CLPX: variants seen among roughly 807,000 people sequenced by gnomAD.
CLPX encodes the protein ATP-dependent clpX-like chaperone, mitochondrial.
Under a neutral mutation model 76.4 loss-of-function variants are expected in CLPX, and 34 were observed. The ratio of observed to expected loss-of-function variants is 0.45; its 90% CI spans 0.34 to 0.59. The LOEUF is 0.59. Among genes scored for constraint, CLPX ranks in the 20% least tolerant of loss-of-function variants. CLPX has a pLI of 0.01. For synonymous variants in CLPX, 248 were observed against 270.9 expected (o/e 0.92, Z 0.83); for missense variants, 613 against 757.0 (o/e 0.81, Z 2.23).
Position 65,150,338 on chromosome 15 carries a change from C to G in CLPX, c.*485G>C, listed in dbSNP as rs111514945. 1 of 152,222 alleles carries G rather than the reference C, an allele frequency of 6.6e-6. No individual in the cohort carries two copies. The highest frequency in any genetic ancestry group is 2.1e-4 in the South Asian group (1 of 4,820). The allele number at this position is 152,222 out of a possible 1,614,324, so 9.4% of individuals were successfully genotyped here. On this transcript the variant is annotated 3_prime_UTR_variant, in exon 14 of 14. Coordinates refer to ENST00000300107, the MANE Select transcript of CLPX (RefSeq NM_006660.5). ...CCTCCCAAAGTGCTGGGATTACAGG[C>G]GTGAGCCACCACGCCCGGCCTACCT...
intron 3 of CLPX, among the ~76,000 whole-genome samples, chr15:65,173,974 T>C (rs766090763): frequency 2.6e-5 from 4 of 152,134 alleles, no homozygotes; most frequent in Non-Finnish European, 5.9e-5. Flanking sequence ...TTGGTAAATA[T>C]CTTTTTTTTC....
At chr15:65,169,024 C>CTTTT (rs779469503) in intron 3 of CLPX, among the ~76,000 whole-genome samples, 1 of 135,468 alleles carries the variant, frequency 7.4e-6, no homozygotes, top group Non-Finnish European at 1.6e-5. Flanking sequence ...CGCCTGCCTA[C>CTTTT]TTTTTTTTTT....
intron 6 of CLPX, among the ~76,000 whole-genome samples, chr15:65,159,806 C>T (rs923170762): frequency 1.3e-5 from 2 of 149,824 alleles, no homozygotes; most frequent in Non-Finnish European, 1.5e-5. Flanking sequence ...TTTACATTTT[C>T]TTTTCTTTTT....
chr15:65,150,972 T>C, intron 13 of CLPX, 59 bp from the exon 14 acceptor site: 1 of 1,234,640 alleles, frequency 8.1e-7, no homozygotes, highest in Non-Finnish European at 1.2e-6. Flanking sequence ...AACATGATCT[T>C]TAAAATCAAA....
rs1237181516 is a variant in CLPX at position 65,158,731 on chromosome 15, T to C, written c.736A>G (p.Ile246Val). The C allele has an allele frequency of 6.3e-7, 1 of 1,593,704 alleles. No individual in the cohort carries two copies. ...RFTKLLQIAG[I>V]SPHGNALGAS... ...CCTAAAGCATTACCATGTGGGCTAA[T>C]TCCAGCAATCTGAAGCAATTCTGAA... The change falls in exon 7 of 14, where the codon ATT becomes GTT. Residue 246 changes from isoleucine to valine, a missense_variant. This residue lies in a region of CLPX where 450 missense variants were observed against 638.6 expected (regional missense o/e 0.70). Transcript: ENST00000300107.
chr15:65,163,634 T>C (rs1402595661), intron 5 of CLPX, among the ~76,000 whole-genome samples: 1 of 152,114 alleles, frequency 6.6e-6, no homozygotes, highest in Non-Finnish European at 1.5e-5. Flanking sequence ...ACTACAGCCA[T>C]GTGCCACCCC....
In CLPX at chr15:65,169,201, G is replaced by A. The variant is rs367829138; in HGVS notation, c.359-2416C>T. Among the ~76,000 whole-genome samples, 108 of 151,826 alleles carry A rather than the reference G, an allele frequency of 7.1e-4. 1 individual carries two copies. Among genetic ancestry groups the A allele is most frequent in the African/African-American group, 2.6e-3 (106 of 41,450 alleles). On this transcript the variant is annotated intron_variant, in intron 3 of 13. Coordinates refer to ENST00000300107, the MANE Select transcript of CLPX (RefSeq NM_006660.5). Reference sequence around the variant, plus strand: ...GATCTCCTGACCTCGTGATCTGCCCGCCTCGGCCTCCCAAAGTGCTGGGAT... The same window carrying A: ...GATCTCCTGACCTCGTGATCTGCCCACCTCGGCCTCCCAAAGTGCTGGGAT...
intron 1 of CLPX, 49 bp downstream of exon 1, chr15:65,185,026 A>ACCCCCC (rs573023416): frequency 4.2e-6 from 5 of 1,197,682 alleles, no homozygotes; most frequent in South Asian, 1.4e-5. Flanking sequence ...TGGCCAGTCC[A>ACCCCCC]CCCCCCCCCC....
At chr15:65,174,107 T>C (rs1350087720) in intron 3 of CLPX, among the ~76,000 whole-genome samples, 1 of 151,784 alleles carries the variant, frequency 6.6e-6, no homozygotes, top group Non-Finnish European at 1.5e-5. Context: ...CCTGAGTAGT[T>C]GGGACTACAG....
rs36113271 is a variant in CLPX, at chr15:65,149,860, T to TAAA, written c.*960_*962dup. ...GGGACAGCGTGAGACTCCGCTCAAT[T>TAAA]AAAAAAAAAAAAAAAAAAAAGATGG... On this transcript the variant is annotated 3_prime_UTR_variant, in exon 14 of 14. Transcript: ENST00000300107. The TAAA allele has an allele frequency of 1.0e-3, 120 of 118,762 alleles. 1 individual carries two copies. Among genetic ancestry groups the TAAA allele is most frequent in the African/African-American group, 3.4e-3 (105 of 30,442 alleles). 7.4% of individuals were successfully genotyped at this position (118,762 alleles called of 1,614,324 possible). A position where few individuals can be genotyped will look rare whatever the true frequency, so the allele number is the denominator to read the frequency against.
In CLPX at chr15:65,152,424, C is replaced by T. The variant is rs1166803825; in HGVS notation, c.1811+6G>A. The T allele has an allele frequency of 1.4e-6, 2 of 1,440,410 alleles. No individual in the cohort carries two copies. Among genetic ancestry groups the T allele is most frequent in the African/African-American group, 2.9e-5 (2 of 68,768 alleles). The allele number at this position is 1,440,410 out of a possible 1,614,324, so 89.2% of individuals were successfully genotyped here. A position where few individuals can be genotyped will look rare whatever the true frequency, so the allele number is the denominator to read the frequency against. ...GTATCTGTTCTGGCTTGAAAATACA[C>T]TTTACCGGATGTATCCTGGTTCCTT... On this transcript the variant is annotated splice_donor_region_variant and intron_variant, in intron 13 of 13. Coordinates refer to ENST00000300107, the MANE Select transcript of CLPX (RefSeq NM_006660.5).
At chr15:65,151,969 G>A (rs909360837) in intron 13 of CLPX, among the ~76,000 whole-genome samples, 9 of 151,904 alleles carry the variant, frequency 5.9e-5, no homozygotes, top group Admixed American at 4.6e-4. Context: ...TCACTTTGTC[G>A]CCCAGGCTGG....
chr15:65,155,013 A>G lies in CLPX; in HGVS notation c.1380T>C (p.Ala460=), dbSNP rs2140613286. 1.2e-6 allele frequency: 2 copies of G among 1,614,196 alleles called. No individual in the cohort carries two copies. Among genetic ancestry groups the G allele is most frequent in the Non-Finnish European group, 1.7e-6 (2 of 1,180,032 alleles). The stretch of plus-strand genomic sequence containing the variant: ...GAGTATTCGATTCCCCACTTCGATT[A>G]GCAAGGTCTGCAGCAGCTGCAGCCC... ...GRRAAAAADL[A]NRSGESNTHQ... The change falls in exon 11 of 14, where the codon GCT becomes GCC. Residue 460 remains alanine (A), a synonymous_variant. Transcript: ENST00000300107.
intron 1 of CLPX, among the ~76,000 whole-genome samples, chr15:65,181,635 C>A (rs2088173057): frequency 6.6e-6 from 1 of 151,908 alleles, no homozygotes; most frequent in African/African-American, 2.4e-5. Flanking sequence ...TGCCTGTAAT[C>A]CCAGCTACTT....
chr15:65,172,202 A>T (rs1471874417), intron 3 of CLPX, among the ~76,000 whole-genome samples: 1 of 152,102 alleles, frequency 6.6e-6, no homozygotes, highest in Admixed American at 6.6e-5. Flanking sequence ...ACCTCAGGTG[A>T]TCCACCCGCC....
At chr15:65,184,315 A>T (rs1462049516) in intron 1 of CLPX, 2 of 152,242 alleles carry the variant, frequency 1.3e-5, no homozygotes, top group Non-Finnish European at 1.5e-5. Flanking sequence ...TCACAGCTTC[A>T]GATAAACAGA....
At chr15:65,178,485 T>G (rs2088118503) in intron 3 of CLPX, among the ~76,000 whole-genome samples, 1 of 152,196 alleles carries the variant, frequency 6.6e-6, no homozygotes, top group Non-Finnish European at 1.5e-5. Context: ...AATTTACATA[T>G]AATTTATATA....
chr15:65,180,025 A>G lies in CLPX; in HGVS notation c.240+19T>C, dbSNP rs1461691242. On this transcript the variant is annotated intron_variant, in intron 2 of 13. Transcript: ENST00000300107. ...GGAACTCACAATGTGTACAGATGCC[A>G]ATAAGATAAAATAATTACCTTATTT... 1.3e-6 allele frequency: 2 copies of G among 1,584,020 alleles called. No homozygotes were observed. The highest frequency in any genetic ancestry group is 1.7e-6 in the Non-Finnish European group (2 of 1,162,006).
At chr15:65,182,037 C>T (rs1468193559) in intron 1 of CLPX, among the ~76,000 whole-genome samples, 6 of 150,252 alleles carry the variant, frequency 4.0e-5, no homozygotes, top group Admixed American at 2.7e-4. Context: ...GCAGAAGAAT[C>T]GCTTGAACCC....
Sources: allele counts gnomAD v4.1 joint callset (sites outside exome capture counted in the v4.1 genomes callset), GRCh38; gene constraint gnomAD v4.1.1; regional missense constraint gnomAD v4.1.1; transcripts MANE v1.5; gene names NCBI Gene and HGNC (gene_info 2026-07-23, HGNC 2026-07-21).